Variants in CRADD observed in about 807,000 individuals in gnomAD.
CRADD encodes the protein CARD and death domain containing adaptor protein.
In CRADD, 9 loss-of-function variants were observed where a neutral mutation model predicts 15.5. The observed-to-expected ratio is 0.58, with a 90% CI of 0.35 to 1.01. CRADD has a LOEUF of 1.01. Ranked by LOEUF, CRADD falls within the 50% of genes least tolerant of loss-of-function variation. The probability of loss-of-function intolerance (pLI) is 0.02; values close to 1 mark genes in which losing one functional copy is unlikely to be tolerated. For synonymous variants in CRADD, 118 were observed against 107.6 expected (o/e 1.10, Z -0.60); for missense variants, 227 against 250.3 (o/e 0.91, Z 0.63).
chr12:93,710,368 C>T (rs1246609926), intron 2 of CRADD, among the ~76,000 whole-genome samples: 7 of 121,026 alleles, frequency 5.8e-5, no homozygotes, highest in South Asian at 2.8e-4. Flanking sequence ...TTTTTTGAGA[C>T]GGAGTCTTGC....
chr12:93,790,652 A>G (rs1957338683), intron 2 of CRADD: 1 of 152,114 alleles, frequency 6.6e-6, no homozygotes, highest in South Asian at 2.1e-4. Context: ...GAGTCAGAGA[A>G]TGAAATCTGT....
chr12:93,695,187 T>G (rs1466575896), intron 2 of CRADD, among the ~76,000 whole-genome samples: 1 of 152,208 alleles, frequency 6.6e-6, no homozygotes, highest in Non-Finnish European at 1.5e-5. Context: ...CAGTTGATTT[T>G]CAACAAAGGT....
In CRADD at chr12:93,816,120, A is replaced by T. The variant is rs190159286; in HGVS notation, c.299-33850A>T. 1.5e-3 allele frequency: 234 copies of T among 152,358 alleles called. 1 individual carries two copies. Among genetic ancestry groups the T allele is most frequent in the African/African-American group, 5.5e-3 (227 of 41,600 alleles). 9.4% of individuals were successfully genotyped at this position (152,358 alleles called of 1,614,324 possible). ...AATATGTAACATTAATTTGAATGAT[A>T]TATTTTATTTAACCCAGTATATTCA... On this transcript the variant is annotated intron_variant, in intron 2 of 2. Coordinates refer to ENST00000332896, the MANE Select transcript of CRADD (RefSeq NM_003805.5).
chr12:93,846,227 G>A (rs7310459), intron 2 of CRADD, among the ~76,000 whole-genome samples: 4,541 of 152,234 alleles, frequency 0.03, 233 homozygotes, highest in African/African-American at 0.1. Context: ...TGTGAATAAC[G>A]CTGCTATGAA....
At chr12:93,726,094 G>GTTTTTT (rs1165429350) in intron 2 of CRADD, among the ~76,000 whole-genome samples, 308 of 96,052 alleles carry the variant, frequency 3.2e-3, no homozygotes, top group Middle Eastern at 7.5e-3. Flanking sequence ...AAATAGTTTA[G>GTTTTTT]TTTTTTTTTT....
intron 2 of CRADD, among the ~76,000 whole-genome samples, chr12:93,683,111 A>G (rs989163502): frequency 9.2e-5 from 14 of 152,140 alleles, no homozygotes; most frequent in African/African-American, 3.1e-4. Flanking sequence ...CTCACTGCTC[A>G]TGGGGCCTGT....
At chr12:93,871,927 T>G (rs1958424007) in intron 2 of CRADD, among the ~76,000 whole-genome samples, 1 of 152,192 alleles carries the variant, frequency 6.6e-6, no homozygotes, top group African/African-American at 2.4e-5. Context: ...GGTATATACC[T>G]AGCAGTGGGA....
In CRADD at chr12:93,811,910, G is replaced by C. The variant is rs534114503; in HGVS notation, c.299-38060G>C. ...CCAAGATGCCCTTCAGTAACTGAGTGGATAAACTGTGGTATGTCCATCTGT... is the reference window on the plus strand; with the variant it reads ...CCAAGATGCCCTTCAGTAACTGAGTCGATAAACTGTGGTATGTCCATCTGT... On this transcript the variant is annotated intron_variant, in intron 2 of 2. Transcript: ENST00000332896. Among the ~76,000 whole-genome samples, 3 of 152,302 alleles carry C rather than the reference G, an allele frequency of 2.0e-5. No homozygotes were observed. The South Asian group carries it at 6.2e-4, about 32-fold the overall frequency.
chr12:93,810,023 T>C (rs1292931554), intron 2 of CRADD, among the ~76,000 whole-genome samples: 1 of 152,186 alleles, frequency 6.6e-6, no homozygotes, highest in Non-Finnish European at 1.5e-5. Context: ...GCAAGGGCTG[T>C]GCTTCTAGGC....
intron 2 of CRADD, among the ~76,000 whole-genome samples, chr12:93,687,651 G>A (rs767144401): frequency 6.6e-6 from 1 of 152,182 alleles, no homozygotes; most frequent in Non-Finnish European, 1.5e-5. Context: ...CCAAGTCGTG[G>A]CTTCCCAAAG....
At chr12:93,865,647 C>T (rs909018694) in intron 2 of CRADD, among the ~76,000 whole-genome samples, 1 of 152,168 alleles carries the variant, frequency 6.6e-6, no homozygotes, top group Middle Eastern at 3.2e-3. Context: ...CTCAAGCAAT[C>T]CTCCCATCTG....
intron 2 of CRADD, chr12:93,846,584 A>ACACACACACACACGCGCG (rs1180441734): frequency 5.5e-5 from 6 of 108,626 alleles, no homozygotes; most frequent in African/African-American, 1.9e-4. Flanking sequence ...AAACCAGAAC[A>ACACACACACACACGCGCG]CACACACACA....
chr12:93,862,576 G>C (rs947048122), intron 2 of CRADD, among the ~76,000 whole-genome samples: 3 of 152,156 alleles, frequency 2.0e-5, no homozygotes. Flanking sequence ...TTGTGAGTCT[G>C]CCTCTCATGA....
At chr12:93,823,819 C>T (rs1008574340) in intron 2 of CRADD, among the ~76,000 whole-genome samples, 1 of 152,084 alleles carries the variant, frequency 6.6e-6, no homozygotes, top group African/African-American at 2.4e-5. Context: ...GAGAAAGAAG[C>T]AAGGCTGTTG....
intron 2 of CRADD, among the ~76,000 whole-genome samples, chr12:93,811,927 T>A (rs1480565719): frequency 1.3e-5 from 2 of 152,328 alleles, no homozygotes; most frequent in South Asian, 2.1e-4. Flanking sequence ...CTGTGGTATG[T>A]CCATCTGTAT....
intron 2 of CRADD, among the ~76,000 whole-genome samples, chr12:93,865,520 G>A (rs1000707843): frequency 4.6e-5 from 7 of 152,132 alleles, no homozygotes; most frequent in African/African-American, 1.7e-4. Flanking sequence ...CTCGGCTCAG[G>A]GGATCCTTCT....
chr12:93,785,122 T>C (rs746187408), intron 2 of CRADD, among the ~76,000 whole-genome samples: 1 of 152,096 alleles, frequency 6.6e-6, no homozygotes, highest in Non-Finnish European at 1.5e-5. Context: ...TGTTTGATAA[T>C]GCATATACTC....
intron 2 of CRADD, among the ~76,000 whole-genome samples, chr12:93,780,741 CTT>C (rs1344435534): frequency 1.2e-4 from 17 of 143,380 alleles, no homozygotes; most frequent in Admixed American, 7.0e-5. Context: ...TCTTGATTAC[CTT>C]TTTTTTTTTT....
intron 2 of CRADD, among the ~76,000 whole-genome samples, chr12:93,726,186 CT>C (rs1220542389): frequency 6.8e-6 from 1 of 147,856 alleles, no homozygotes; most frequent in Non-Finnish European, 1.5e-5. Flanking sequence ...TTTCTGCAAC[CT>C]TCGCCTCCCA....
Sources: allele counts gnomAD v4.1 joint callset (sites outside exome capture counted in the v4.1 genomes callset), GRCh38; gene constraint gnomAD v4.1.1; transcripts MANE v1.5; gene names NCBI Gene and HGNC (gene_info 2026-07-23, HGNC 2026-07-21).